Variants in SLC44A5 observed in about 807,000 individuals in gnomAD.
SLC44A5 encodes the protein choline transporter-like protein 5.
In SLC44A5, 57 loss-of-function variants were observed where a neutral mutation model predicts 101.8. The ratio of observed to expected loss-of-function variants is 0.56; its 90% CI spans 0.45 to 0.70. The LOEUF is 0.70. Ranked by LOEUF, SLC44A5 falls within the 30% of genes least tolerant of loss-of-function variation. The probability of loss-of-function intolerance (pLI) is 0.00; values close to 1 mark genes in which losing one functional copy is unlikely to be tolerated. For missense variants in SLC44A5, 737 were observed against 853.1 expected (o/e 0.86, Z 1.70); for synonymous variants, 281 against 290.9 (o/e 0.97, Z 0.35).
the SLC44A5 span, among the ~76,000 whole-genome samples, chr1:75,621,546 C>T: frequency 8.4e-4 from 128 of 152,156 alleles, 1 homozygote; most frequent in African/African-American, 3.1e-3. Flanking sequence ...AAAAATATGA[C>T]CCACAGAAGA....
intron 13 of SLC44A5, 92 bp from the exon 14 acceptor site, chr1:75,222,552 T>C: frequency 1.4e-6 from 1 of 726,054 alleles, no homozygotes; most frequent in Non-Finnish European, 2.3e-6. Context: ...TTTATGATTA[T>C]TTCTGCCAAT....
chr1:75,373,066 A>G (rs1274915791), intron 3 of SLC44A5, among the ~76,000 whole-genome samples: 1 of 152,186 alleles, frequency 6.6e-6, no homozygotes, highest in Non-Finnish European at 1.5e-5. Flanking sequence ...AGCAGAGTCA[A>G]AATATCCTCA....
chr1:75,306,747 T>TTTTTTTC, intron 4 of SLC44A5, among the ~76,000 whole-genome samples: 1 of 139,810 alleles, frequency 7.2e-6, no homozygotes, highest in Non-Finnish European at 1.5e-5. Flanking sequence ...TTTTTTTTTT[T>TTTTTTTC]TTTTTGAGAC....
At chr1:75,236,802 A>G (rs1177779561) in intron 11 of SLC44A5, among the ~76,000 whole-genome samples, 185 bp downstream of exon 11, 1 of 152,102 alleles carries the variant, frequency 6.6e-6, no homozygotes, top group African/African-American at 2.4e-5. Flanking sequence ...ATTTCCAAAT[A>G]TCTTTTCCCT....
At chr1:75,279,491 C>T (rs574520009) in intron 5 of SLC44A5, among the ~76,000 whole-genome samples, 41 of 152,100 alleles carry the variant, frequency 2.7e-4, no homozygotes, top group Non-Finnish European at 5.6e-4. Context: ...AACCACCCAA[C>T]CAAGCTGTGC....
intron 2 of SLC44A5, among the ~76,000 whole-genome samples, chr1:75,533,017 A>G (rs1172806629): frequency 1.3e-5 from 2 of 152,190 alleles, no homozygotes; most frequent in Non-Finnish European, 2.9e-5. Context: ...CATCGCCACA[A>G]ATTGCACTTA....
chr1:75,597,338 C>G (rs1674699790), intron 1 of SLC44A5, among the ~76,000 whole-genome samples: 1 of 152,020 alleles, frequency 6.6e-6, no homozygotes, highest in Admixed American at 6.6e-5. Flanking sequence ...TGCCCATGGA[C>G]AGAAAGAATC....
chr1:75,598,007 C>G (rs1448956594), intron 1 of SLC44A5, among the ~76,000 whole-genome samples: 1 of 151,840 alleles, frequency 6.6e-6, no homozygotes, highest in African/African-American at 2.4e-5. Context: ...AAAAGAAAAC[C>G]TAGAGAATGG....
intron 1 of SLC44A5, among the ~76,000 whole-genome samples, chr1:75,579,805 A>T (rs1364608359): frequency 2.1e-5 from 3 of 145,188 alleles, no homozygotes; most frequent in South Asian, 2.2e-4. Flanking sequence ...GAGGATTTGG[A>T]GAAGACAAAA....
At position 75,517,478 on chromosome 1, in the gene SLC44A5, A is replaced by G. The variant is rs192087194; in HGVS notation, c.13+23957T>C. Among the ~76,000 whole-genome samples the G allele has an allele frequency of 2.0e-3, 305 of 152,304 alleles. 2 individuals are homozygous for G. Among genetic ancestry groups the G allele is most frequent in the African/African-American group, 7.2e-3 (299 of 41,574 alleles). On this transcript the variant is annotated intron_variant, in intron 2 of 23. Coordinates refer to ENST00000370859, the MANE Select transcript of SLC44A5 (RefSeq NM_001130058.2). Reference sequence around the variant, plus strand: ...AAAAAAAGGAGTGGAGGTGGATCAAACAGCCCCAAAAAAACAAAAGCGGGA... The same window carrying G: ...AAAAAAAGGAGTGGAGGTGGATCAAGCAGCCCCAAAAAAACAAAAGCGGGA...
the SLC44A5 span, among the ~76,000 whole-genome samples, chr1:75,694,480 C>T: frequency 6.6e-6 from 1 of 151,968 alleles, no homozygotes; most frequent in Non-Finnish European, 1.5e-5. Context: ...AAAAACATGC[C>T]TATTTCTCCT....
chr1:75,402,545 A>G, intron 2 of SLC44A5: 1 of 211,716 alleles, frequency 4.7e-6, no homozygotes, highest in East Asian at 1.4e-4. Context: ...GGATGAGCTG[A>G]AGTAGGGTGA....
At chr1:75,611,748 A>T (rs1675666244), upstream of SLC44A5, among the ~76,000 whole-genome samples, 1 of 152,140 alleles carries the variant, frequency 6.6e-6, no homozygotes, top group Non-Finnish European at 1.5e-5. Context: ...TTTCTCTTGG[A>T]ACATGCTCAT....
the SLC44A5 span, among the ~76,000 whole-genome samples, chr1:75,673,581 G>A: frequency 0.25 from 37,963 of 152,028 alleles, 5,065 homozygotes; most frequent in Non-Finnish European, 0.3. Flanking sequence ...ATAGGTGGTA[G>A]GTAGGGAGTG....
In SLC44A5 at chr1:75,213,926, T is replaced by C; in HGVS notation, c.1866A>G (p.Gly622=). The part of the protein sequence containing the change: ...VLFLGKLLVA[G]SIGVLAFLFF... ...TTCATCATGATTACTTACCTATACTTCCAGCAACTAGAAGTTTCCCCAGGA... is the reference window on the plus strand; with the variant it reads ...TTCATCATGATTACTTACCTATACTCCCAGCAACTAGAAGTTTCCCCAGGA... The change falls in exon 21 of 24, where the codon GGA becomes GGG. Residue 622 remains glycine, a synonymous_variant. Transcript: ENST00000370859. 1 of 1,590,874 alleles carries C rather than the reference T, an allele frequency of 6.3e-7. No homozygotes were observed. Among genetic ancestry groups the C allele is most frequent in the Non-Finnish European group, 8.6e-7 (1 of 1,165,314 alleles).
chr1:75,415,462 G>A (rs1663579303), intron 2 of SLC44A5, among the ~76,000 whole-genome samples: 1 of 152,150 alleles, frequency 6.6e-6, no homozygotes, highest in Non-Finnish European at 1.5e-5. Flanking sequence ...TCCATGTTTT[G>A]TAAATTGCCC....
chr1:75,571,096 A>G (rs1429209873), intron 1 of SLC44A5, among the ~76,000 whole-genome samples: 2 of 152,226 alleles, frequency 1.3e-5, no homozygotes, highest in African/African-American at 2.4e-5. Context: ...AAGCGCTAAT[A>G]ATCCAGAGGA....
chr1:75,709,990 C>T, the SLC44A5 span: 1 of 151,824 alleles, frequency 6.6e-6, no homozygotes, highest in Non-Finnish European at 1.5e-5. Flanking sequence ...ATAAGTAAGC[C>T]AAAAAAGGTA....
At chr1:75,652,986 A>G in the SLC44A5 span, among the ~76,000 whole-genome samples, 3 of 152,188 alleles carry the variant, frequency 2.0e-5, no homozygotes, top group Non-Finnish European at 4.4e-5. Flanking sequence ...TTATAAAAGT[A>G]TATGTTGTAC....
Sources: allele counts gnomAD v4.1 joint callset (sites outside exome capture counted in the v4.1 genomes callset), GRCh38; gene constraint gnomAD v4.1.1; transcripts MANE v1.5; gene names NCBI Gene and HGNC (gene_info 2026-07-23, HGNC 2026-07-21).